OR4K13: variants seen among roughly 807,000 people sequenced by gnomAD.
OR4K13 encodes olfactory receptor 4K13.
For missense variants in OR4K13, 403 were observed against 366.0 expected, an observed-to-expected ratio of 1.10 and a Z score of -0.82; for synonymous variants, 160 against 134.8, an observed-to-expected ratio of 1.19 and a Z score of -1.30.
In OR4K13 at chr14:20,033,961, C is replaced by T. The variant is rs17277032; in HGVS notation, c.798G>A (p.Ser266=). The part of the protein sequence containing the change: ...FIYVWPFSRY[S]VDKILSVFYT... The stretch of plus-strand genomic sequence containing the variant: ...AAAACACAGAAAGAATTTTATCTAC[C>T]GAGTATCTGCTGAAGGGCCAGACGT... Residue 266 remains serine, a synonymous_variant, in exon 2 of 2, where the codon TCG becomes TCA. Coordinates refer to ENST00000641904, the MANE Select transcript of OR4K13 (RefSeq NM_001004714.2). 730,371 of 1,611,268 alleles carry T rather than the reference C, an allele frequency of 0.45. 174,226 individuals are homozygous for T. Among genetic ancestry groups the T allele is most frequent in the Non-Finnish European group, 0.5 (584,105 of 1,177,882 alleles).
rs1877438461 is a variant in OR4K13, at chr14:20,032,211, A to G, written c.*1633T>C. 1 of 152,210 alleles carries G rather than the reference A, an allele frequency of 6.6e-6. No homozygotes were observed. Among genetic ancestry groups the G allele is most frequent in the Non-Finnish European group, 1.5e-5 (1 of 68,042 alleles). 9.4% of individuals were successfully genotyped at this position (152,210 alleles called of 1,614,324 possible). On this transcript the variant is annotated 3_prime_UTR_variant, in exon 2 of 2. Transcript: ENST00000641904. ...GATTTCTAAGCAAGTCCTTAATTAG[A>G]TAAGAAACACTGTGTATGAATGTAC...
rs757618499 is a variant in OR4K13, at chr14:20,034,022, A to G, written c.737T>C (p.Val246Ala). Residue 246 changes from valine to alanine, a missense_variant, in exon 2 of 2, where the codon GTT becomes GCT. Val to Ala is a moderately conservative substitution (Grantham distance 64, BLOSUM62 0). Coordinates refer to ENST00000641904, the MANE Select transcript of OR4K13 (RefSeq NM_001004714.2). ...ACACGGAGCAAAGAACAGAGTCACA[A>G]CTGTGATGTGAGCTGAGAGAGTGGA... ...AFSTLSAHIT[V>A]VTLFFAPCVF... The G allele has an allele frequency of 6.2e-6, 10 of 1,614,084 alleles. No homozygotes were observed. The highest frequency in any genetic ancestry group is 1.6e-4 in the Middle Eastern group (1 of 6,062).
chr14:20,031,880 T>C lies in OR4K13; in HGVS notation c.*1964A>G, dbSNP rs1877427724. 1.3e-5 allele frequency: 2 copies of C among 151,426 alleles called. No homozygotes were observed. The highest frequency in any genetic ancestry group is 4.2e-4 in the South Asian group (2 of 4,802). 9.4% of individuals were successfully genotyped at this position (151,426 alleles called of 1,614,324 possible). ...GTGTGGTAAAAGGAAAGCAATTTTA[T>C]TCAAATGCAAGCAGGTGGGGGATGG... On this transcript the variant is annotated 3_prime_UTR_variant, in exon 2 of 2. Transcript: ENST00000641904.
Position 20,033,913 on chromosome 14 carries a change from T to A in OR4K13, c.846A>T (p.Leu282Phe). The change falls in exon 2 of 2, where the codon TTA becomes TTT. Residue 282 changes from leucine (L) to phenylalanine (F), a missense_variant. By Grantham distance (22) the Leu-to-Phe change is conservative. Transcript: ENST00000641904. ...SVFYTIFTPL[L>F]NPIIYTLRNQ... ...TTCTTAATGTATAAATAATAGGATTTAAGAGAGGTGTGAAAATTGTGTAAA... is the reference window on the plus strand; with the variant it reads ...TTCTTAATGTATAAATAATAGGATTAAAGAGAGGTGTGAAAATTGTGTAAA... 6.3e-7 allele frequency: 1 copy of A among 1,595,064 alleles called. No homozygotes were observed. The highest frequency in any genetic ancestry group is 8.6e-7 in the Non-Finnish European group (1 of 1,163,004).
At position 20,034,801 on chromosome 14, in the gene OR4K13, AG is replaced by A. The variant is rs749411319; in HGVS notation, c.-44del. 1 of 1,465,946 alleles carries A rather than the reference AG, an allele frequency of 6.8e-7. No individual in the cohort carries two copies. Among genetic ancestry groups the A allele is most frequent in the East Asian group, 2.3e-5 (1 of 43,930 alleles). The allele number at this position is 1,465,946 out of a possible 1,614,324, so 90.8% of individuals were successfully genotyped here. A position where few individuals can be genotyped will look rare whatever the true frequency, so the allele number is the denominator to read the frequency against. On this transcript the variant is annotated 5_prime_UTR_variant, in exon 2 of 2. It introduces an in-frame stop codon into an upstream open reading frame of the 5' UTR. Coordinates refer to ENST00000641904, the MANE Select transcript of OR4K13 (RefSeq NM_001004714.2). ...ATAATGATCAAAATAAGTGAGAATA[AG>A]GGGTAGGGAAATGATGCATATTGGA...
At chr14:20,035,512 G>A (rs1027878251) in intron 1 of OR4K13, 6 of 130,182 alleles carry the variant, frequency 4.6e-5, no homozygotes, top group Non-Finnish European at 6.8e-5. Flanking sequence ...TATATAATTC[G>A]TTCATTCAAC....
Position 20,033,857 on chromosome 14 carries a change from C to A in OR4K13, c.902G>T (p.Arg301Ile). Reference protein sequence around the residue: ...NQEVKAAIKKRLCI With the variant: ...NQEVKAAIKKILCI ...TATGCTTTAAATTTATATGCAGAGT[C>A]TTTTTTTAATGGCTGCTTTTACCTC... Residue 301 changes from arginine (R) to isoleucine (I), a missense_variant, in exon 2 of 2, where the codon AGA becomes ATA. Coordinates refer to ENST00000641904, the MANE Select transcript of OR4K13 (RefSeq NM_001004714.2). 1 of 1,479,318 alleles carries A rather than the reference C, an allele frequency of 6.8e-7. No homozygotes were observed. Among genetic ancestry groups the A allele is most frequent in the South Asian group, 1.2e-5 (1 of 83,322 alleles). The allele number at this position is 1,479,318 out of a possible 1,614,324, so 91.6% of individuals were successfully genotyped here. A position where few individuals can be genotyped will look rare whatever the true frequency, so the allele number is the denominator to read the frequency against.
intron 1 of OR4K13, 21 bp from the exon 2 acceptor site, chr14:20,035,002 C>A: frequency 2.2e-6 from 1 of 444,792 alleles, no homozygotes; most frequent in South Asian, 3.2e-5. Flanking sequence ...AAAATAAAAA[C>A]ATTAATAGTA....
At position 20,034,832 on chromosome 14, in the gene OR4K13, A is replaced by C. The variant is rs1877529413; in HGVS notation, c.-74T>G. On this transcript the variant is annotated 5_prime_UTR_variant, in exon 2 of 2. In the 5' UTR this introduces an upstream ATG that the reference lacks. Transcript: ENST00000641904. ...AGGGAAATGATGCATATTGGAAAGAAATGTTCATGTTGATGTCCACATTTG... is the reference window on the plus strand; with the variant it reads ...AGGGAAATGATGCATATTGGAAAGACATGTTCATGTTGATGTCCACATTTG... The C allele has an allele frequency of 5.6e-6, 7 of 1,241,128 alleles. No individual in the cohort carries two copies. Among genetic ancestry groups the C allele is most frequent in the Non-Finnish European group, 6.7e-6 (6 of 893,926 alleles). The allele number at this position is 1,241,128 out of a possible 1,614,324, so 76.9% of individuals were successfully genotyped here.
chr14:20,034,347 G>C lies in OR4K13; in HGVS notation c.412C>G (p.Pro138Ala), dbSNP rs140037435. 11,878 of 1,614,024 alleles carry C rather than the reference G, an allele frequency of 7.4e-3. 77 individuals are homozygous for C. Among genetic ancestry groups the C allele is most frequent in the Middle Eastern group, 0.024 (146 of 6,060 alleles). ...KPLHYMTIMS[P>A]RVLTGLLLSS... ...AACAGTAGCCCAGTGAGCACCCGTG[G>C]GCTCATGATGGTCATGTAATGGAGG... Residue 138 changes from proline (P) to alanine (A), a missense_variant, in exon 2 of 2, where the codon CCA (proline) becomes GCA (alanine). Transcript: ENST00000641904.
Position 20,034,524 on chromosome 14 carries a change from G to T in OR4K13, c.235C>A (p.Pro79Thr). The T allele has an allele frequency of 6.2e-7, 1 of 1,613,840 alleles. No homozygotes were observed. Among genetic ancestry groups the T allele is most frequent in the Non-Finnish European group, 8.5e-7 (1 of 1,179,956 alleles). The part of the protein sequence containing the change: ...IDMILASFAT[P>T]KMIVDFLRER... ...CGGAGGAAATCTACAATCATCTTAG[G>T]GGTAGCAAAAGAAGCCAGGATCATA... Residue 79 changes from proline to threonine, a missense_variant, in exon 2 of 2, where the codon CCT becomes ACT. Coordinates refer to ENST00000641904, the MANE Select transcript of OR4K13 (RefSeq NM_001004714.2).
Position 20,034,498 on chromosome 14 carries a change from T to A in OR4K13, c.261A>T (p.Arg87=), listed in dbSNP as rs1314566528. Residue 87 remains arginine (R), a synonymous_variant, in exon 2 of 2, where the codon CGA becomes CGT. Transcript: ENST00000641904. ...CCCACCATGAGATGGTCTTACGTTC[T>A]CGGAGGAAATCTACAATCATCTTAG... ...ATPKMIVDFL[R]ERKTISWWGC... 1 of 1,613,844 alleles carries A rather than the reference T, an allele frequency of 6.2e-7. No individual in the cohort carries two copies. Among genetic ancestry groups the A allele is most frequent in the Non-Finnish European group, 8.5e-7 (1 of 1,179,990 alleles).
At position 20,034,511 on chromosome 14, in the gene OR4K13, A is replaced by G. The variant is rs374416343; in HGVS notation, c.248T>C (p.Val83Ala). The stretch of plus-strand genomic sequence containing the variant: ...GGTCTTACGTTCTCGGAGGAAATCT[A>G]CAATCATCTTAGGGGTAGCAAAAGA... ...LASFATPKMI[V>A]DFLRERKTIS... Residue 83 changes from valine (V) to alanine (A), a missense_variant, in exon 2 of 2, where the codon GTA (valine) becomes GCA (alanine). Val to Ala is a moderately conservative substitution (Grantham distance 64). Coordinates refer to ENST00000641904, the MANE Select transcript of OR4K13 (RefSeq NM_001004714.2). 7.4e-6 allele frequency: 12 copies of G among 1,614,064 alleles called. No individual in the cohort carries two copies. The African/African-American group carries it at 8.0e-5, about 11-fold the overall frequency.
At position 20,034,983 on chromosome 14, in the gene OR4K13, T is replaced by C. The variant is rs955476714; in HGVS notation, c.-223-2A>G. 4.1e-6 allele frequency: 2 copies of C among 484,916 alleles called. No homozygotes were observed. The highest frequency in any genetic ancestry group is 3.8e-5 in the Admixed American group (1 of 26,238). The allele number at this position is 484,916 out of a possible 1,614,324, so 30.0% of individuals were successfully genotyped here. A position where few individuals can be genotyped will look rare whatever the true frequency, so the allele number is the denominator to read the frequency against. On this transcript the variant is annotated splice_acceptor_variant, in intron 1 of 1. Coordinates refer to ENST00000641904, the MANE Select transcript of OR4K13 (RefSeq NM_001004714.2). LOFTEE classifies it low-confidence loss of function (5UTR_SPLICE). ...CAGTAGAATTCAGAATATAAGTTTCTGGAAGACAAAAATAAAAACATTAAT... is the reference window on the plus strand; with the variant it reads ...CAGTAGAATTCAGAATATAAGTTTCCGGAAGACAAAAATAAAAACATTAAT...
At position 20,033,705 on chromosome 14, in the gene OR4K13, A is replaced by C. The variant is rs1877478400; in HGVS notation, c.*139T>G. The C allele has an allele frequency of 1.8e-6, 1 of 565,886 alleles. No homozygotes were observed. 35.1% of individuals were successfully genotyped at this position (565,886 alleles called of 1,614,324 possible). ...TTATAGTGGTTTTTGCCATTACTTT[A>C]ATTTTGTCATTTACTTTAATGGCAA... On this transcript the variant is annotated 3_prime_UTR_variant, in exon 2 of 2. Transcript: ENST00000641904.
At position 20,033,994 on chromosome 14, in the gene OR4K13, G is replaced by T; in HGVS notation, c.765C>A (p.Val255=). The T allele has an allele frequency of 6.2e-7, 1 of 1,614,070 alleles. No homozygotes were observed. The highest frequency in any genetic ancestry group is 8.5e-7 in the Non-Finnish European group (1 of 1,180,006). ...TGCTGAAGGGCCAGACGTAGATAAAGACACACGGAGCAAAGAACAGAGTCA... is the reference window on the plus strand; with the variant it reads ...TGCTGAAGGGCCAGACGTAGATAAATACACACGGAGCAAAGAACAGAGTCA... The part of the protein sequence containing the change: ...TVVTLFFAPC[V]FIYVWPFSRY... Residue 255 remains valine (V), a synonymous_variant, in exon 2 of 2, where the codon GTC becomes GTA. Transcript: ENST00000641904.
chr14:20,035,901 G>C (rs994789396), intron 1 of OR4K13, 37 bp downstream of exon 1: 7 of 152,024 alleles, frequency 4.6e-5, no homozygotes, highest in Admixed American at 1.3e-4. Flanking sequence ...AGTAAATAAA[G>C]TATTTGTAGT....
At position 20,034,144 on chromosome 14, in the gene OR4K13, G is replaced by A. The variant is rs1877499958; in HGVS notation, c.615C>T (p.Leu205=). 2 of 1,614,078 alleles carry A rather than the reference G, an allele frequency of 1.2e-6. No homozygotes were observed. Among genetic ancestry groups the A allele is most frequent in the Non-Finnish European group, 1.7e-6 (2 of 1,179,988 alleles). The change falls in exon 2 of 2, where the codon CTC becomes CTT. Residue 205 remains leucine, a synonymous_variant. Coordinates refer to ENST00000641904, the MANE Select transcript of OR4K13 (RefSeq NM_001004714.2). ...LQLLVIADSG[L]LSLVCFLLLL... ...AGAGGAGGAAGCAGACCAGTGACAG[G>A]AGCCCACTGTCAGCAATGACCAGGA...
chr14:20,034,334 G>A lies in OR4K13; in HGVS notation c.425C>T (p.Thr142Ile), dbSNP rs763647034. The change falls in exon 2 of 2, where the codon ACT (threonine) becomes ATT (isoleucine). Residue 142 changes from threonine (T) to isoleucine (I), a missense_variant. Physicochemically the swap from Thr to Ile is moderately conservative, Grantham distance 89. Transcript: ENST00000641904. ...YMTIMSPRVL[T>I]GLLLSSYAVG... The stretch of plus-strand genomic sequence containing the variant: ...TGCATAGGAGGATAACAGTAGCCCA[G>A]TGAGCACCCGTGGGCTCATGATGGT... 18 of 1,613,974 alleles carry A rather than the reference G, an allele frequency of 1.1e-5. No homozygotes were observed. The African/African-American group carries it at 2.0e-4, about 18-fold the overall frequency.
Sources: allele counts gnomAD v4.1 joint callset, GRCh38; gene constraint gnomAD v4.1.1; transcripts MANE v1.5; gene names NCBI Gene and HGNC (gene_info 2026-07-23, HGNC 2026-07-21).